The following CAMTA1 variants were observed in gnomAD, a reference collection of about 807,000 sequenced individuals.
The protein encoded by CAMTA1 is calmodulin binding transcription activator 1.
Under a neutral mutation model 170.9 loss-of-function variants are expected in CAMTA1, and 27 were observed. That is an observed-to-expected ratio of 0.16 (90% CI 0.12 to 0.22). The LOEUF is 0.22. Ranked by LOEUF, CAMTA1 falls within the 10% of genes least tolerant of loss-of-function variation. The pLI, the probability that CAMTA1 is intolerant of heterozygous loss-of-function variation, is 1.00. For synonymous variants in CAMTA1, 833 were observed against 891.5 expected (o/e 0.93, Z 1.17); for missense variants, 1,619 against 2,217.2 (o/e 0.73, Z 5.42).
intron 3 of CAMTA1, among the ~76,000 whole-genome samples, chr1:6,937,669 C>A (rs556301886): frequency 4.0e-4 from 60 of 151,684 alleles, no homozygotes; most frequent in African/African-American, 1.3e-3. Flanking sequence ...TCACCATCAT[C>A]ATCACCATCA....
rs1333698169 is a variant in CAMTA1 at position 7,284,177 on chromosome 1, C to CTTCTTCTTCTTCTTA, written c.438+34553_438+34554insCTTCTTCTTCTTATT. Among the ~76,000 whole-genome samples, 26 of 99,312 alleles carry CTTCTTCTTCTTCTTA rather than the reference C, an allele frequency of 2.6e-4. 1 individual carries two copies. The highest frequency in any genetic ancestry group is 3.7e-4 in the South Asian group (1 of 2,680). The allele number at this position is 99,312 out of a possible 152,430, so 65.2% of individuals were successfully genotyped here. A position where few individuals can be genotyped will look rare whatever the true frequency, so the allele number is the denominator to read the frequency against. On this transcript the variant is annotated intron_variant, in intron 5 of 22. Coordinates refer to ENST00000303635, the MANE Select transcript of CAMTA1 (RefSeq NM_015215.4). ...TCTTCTTCTTCTTCTTCTTCTTCTT[C>CTTCTTCTTCTTCTTA]TTATTATTATTATTATTATTATTAT...
chr1:7,398,684 T>C (rs900786814), intron 5 of CAMTA1, among the ~76,000 whole-genome samples: 3 of 152,136 alleles, frequency 2.0e-5, no homozygotes, highest in Non-Finnish European at 4.4e-5. Flanking sequence ...TTTTTAAGTG[T>C]TTTTTGGCTC....
At chr1:7,550,208 A>T (rs1307578981) in intron 6 of CAMTA1, among the ~76,000 whole-genome samples, 1 of 152,132 alleles carries the variant, frequency 6.6e-6, no homozygotes, top group African/African-American at 2.4e-5. Context: ...CACAGCTCCC[A>T]GAGTGGTAGG....
chr1:7,544,676 G>A (rs1487548058), intron 6 of CAMTA1, among the ~76,000 whole-genome samples: 1 of 152,118 alleles, frequency 6.6e-6, no homozygotes, highest in Non-Finnish European at 1.5e-5. Context: ...GAAAGAAAAG[G>A]GGTTTACTTG....
chr1:6,794,603 T>A (rs1641985361), intron 1 of CAMTA1, among the ~76,000 whole-genome samples: 1 of 152,224 alleles, frequency 6.6e-6, no homozygotes. Flanking sequence ...TCACCAAGGA[T>A]GTGAGGGTCA....
At chr1:7,056,105 T>C (rs1707280320) in intron 3 of CAMTA1, among the ~76,000 whole-genome samples, 1 of 152,044 alleles carries the variant, frequency 6.6e-6, no homozygotes, top group South Asian at 2.1e-4. Flanking sequence ...CTACACTCGA[T>C]ATGGGTGGGA....
intron 5 of CAMTA1, among the ~76,000 whole-genome samples, chr1:7,314,227 G>A (rs1574618788): frequency 6.6e-6 from 1 of 152,176 alleles, no homozygotes; most frequent in African/African-American, 2.4e-5. Context: ...TAGGGCAACC[G>A]TTTGAGTACT....
At chr1:7,579,232 C>A (rs746050684) in intron 6 of CAMTA1, among the ~76,000 whole-genome samples, 10 of 152,342 alleles carry the variant, frequency 6.6e-5, no homozygotes, top group Non-Finnish European at 1.2e-4. Context: ...CATGCCCAAG[C>A]CTTTGGACAC....
At chr1:6,921,460 CCTCCAAACTG>C (rs1681992631) in intron 3 of CAMTA1, among the ~76,000 whole-genome samples, 1 of 152,190 alleles carries the variant, frequency 6.6e-6, no homozygotes, top group South Asian at 2.1e-4. Context: ...TCTTCTGAGC[CCTCCAAACTG>C]TTCCAGCCTC....
At chr1:7,129,912 C>T (rs924026725) in intron 4 of CAMTA1, among the ~76,000 whole-genome samples, 1 of 128,398 alleles carries the variant, frequency 7.8e-6, no homozygotes, top group Non-Finnish European at 1.6e-5. Context: ...TTTAGATCTA[C>T]CTTCTTTTGT....
At chr1:7,076,868 A>G (rs1639366505) in intron 3 of CAMTA1, among the ~76,000 whole-genome samples, 1 of 152,242 alleles carries the variant, frequency 6.6e-6, no homozygotes, top group Non-Finnish European at 1.5e-5. Flanking sequence ...TGTAAAATTC[A>G]TGAATTCTCC....
At position 7,568,960 on chromosome 1, in the gene CAMTA1, A is replaced by G. The variant is rs528414839; in HGVS notation, c.511-71440A>G. 8.6e-5 allele frequency among the ~76,000 whole-genome samples: 13 copies of G among 151,034 alleles called. No individual in the cohort carries two copies. The South Asian group carries it at 2.7e-3, about 32-fold the overall frequency. The stretch of plus-strand genomic sequence containing the variant: ...CACTACCACCATCACCATCTCCATT[A>G]TCATCATCACCACCACTATCACTAT... On this transcript the variant is annotated intron_variant, in intron 6 of 22. Coordinates refer to ENST00000303635, the MANE Select transcript of CAMTA1 (RefSeq NM_015215.4).
intron 4 of CAMTA1, among the ~76,000 whole-genome samples, chr1:7,140,006 C>T (rs1175780312): frequency 6.6e-6 from 1 of 152,150 alleles, no homozygotes; most frequent in African/African-American, 2.4e-5. Flanking sequence ...GCTTTATGTA[C>T]ATTATCTTCT....
chr1:6,827,873 C>T (rs998146600), intron 3 of CAMTA1, among the ~76,000 whole-genome samples: 2 of 152,156 alleles, frequency 1.3e-5, no homozygotes, highest in Non-Finnish European at 2.9e-5. Flanking sequence ...TGGATGAGGA[C>T]CACATGAAGT....
intron 3 of CAMTA1, among the ~76,000 whole-genome samples, chr1:6,826,300 C>CTCTA (rs748616627): frequency 6.6e-6 from 1 of 152,172 alleles, no homozygotes; most frequent in Non-Finnish European, 1.5e-5. Context: ...CTTTGAAGGA[C>CTCTA]TCTATGTTTT....
In CAMTA1 at chr1:7,547,878, T is replaced by C. The variant is rs1395988870; in HGVS notation, c.510+79977T>C. ...CACCCCTTGCAAGGGCACTCCACTG[T>C]GTGGACCCCCCACTCACCCGTCAAT... On this transcript the variant is annotated intron_variant, in intron 6 of 22. Transcript: ENST00000303635. This position sits in a 1 kb window ranked among gnomAD's most constrained non-coding sequence, Gnocchi z 5.7. 6.6e-6 allele frequency among the ~76,000 whole-genome samples: 1 copy of C among 152,068 alleles called. No homozygotes were observed. The highest frequency in any genetic ancestry group is 1.9e-4 in the East Asian group (1 of 5,180).
rs1699206091 is a variant in CAMTA1 at position 7,007,699 on chromosome 1, T to C, written c.235-83605T>C. Among the ~76,000 whole-genome samples the C allele has an allele frequency of 6.6e-6, 1 of 152,176 alleles. No homozygotes were observed. Among genetic ancestry groups the C allele is most frequent in the Non-Finnish European group, 1.5e-5 (1 of 68,030 alleles). ...GTGAGCTCCTTCTGAAAGGACCCCC[T>C]GTGGGGCTCCCGGGGCGTCGCTTCT... On this transcript the variant is annotated intron_variant, in intron 3 of 22. Coordinates refer to ENST00000303635, the MANE Select transcript of CAMTA1 (RefSeq NM_015215.4). The surrounding 1 kb of genome is among the most constrained non-coding windows in gnomAD (Gnocchi z 4.5).
At chr1:7,079,326 T>TA (rs945469045) in intron 3 of CAMTA1, among the ~76,000 whole-genome samples, 8 of 152,164 alleles carry the variant, frequency 5.3e-5, no homozygotes, top group Non-Finnish European at 1.0e-4. Flanking sequence ...TAGTTAAAGA[T>TA]ATAATTGCTG....
In CAMTA1 at chr1:7,534,526, G is replaced by A. The variant is rs1575850343; in HGVS notation, c.510+66625G>A. Among the ~76,000 whole-genome samples, 1 of 152,312 alleles carries A rather than the reference G, an allele frequency of 6.6e-6. No individual in the cohort carries two copies. The highest frequency in any genetic ancestry group is 1.9e-4 in the East Asian group (1 of 5,182). ...GTCCTCACCCTCCTAGGCAGCTGAG[G>A]CCCAGCCCTGTGGGGTGGCACTACC... On this transcript the variant is annotated intron_variant, in intron 6 of 22. Coordinates refer to ENST00000303635, the MANE Select transcript of CAMTA1 (RefSeq NM_015215.4). The surrounding 1 kb of genome is among the most constrained non-coding windows in gnomAD (Gnocchi z 5.6).
Sources: gnomAD v4.1 joint callset for allele counts (sites outside exome capture counted in the v4.1 genomes callset) on GRCh38, gnomAD v4.1.1 for gene constraint, Gnocchi (gnomAD v3.1) non-coding constraint, MANE v1.5 for transcripts, NCBI Gene and HGNC (gene_info 2026-07-23, HGNC 2026-07-21) for gene names.